UGT1A6: variants seen among roughly 807,000 people sequenced by gnomAD.
UGT1A6 encodes UDP-glucuronosyltransferase 1A6.
UGT1A6 carries 32 observed loss-of-function variants against 44.4 expected under a neutral mutation model. The observed-to-expected ratio is 0.72, with a 90% confidence interval of 0.54 to 0.97. The LOEUF is 0.97. Ranked by LOEUF, UGT1A6 falls within the 50% of genes least tolerant of loss-of-function variation. The probability of loss-of-function intolerance (pLI) is 0.00; values close to 1 mark genes in which losing one functional copy is unlikely to be tolerated. For missense variants in UGT1A6, 685 were observed against 661.9 expected (o/e 1.03, Z -0.38); for synonymous variants, 238 against 248.5 (o/e 0.96, Z 0.40).
chr2:233,750,643 A>G (rs1694525645), intron 1 of UGT1A6: 1 of 149,168 alleles, frequency 6.7e-6, no homozygotes. Flanking sequence ...TGCTGTGTGC[A>G]GCCTCAGGAC....
intron 1 of UGT1A6, 131 bp downstream of exon 1, chr2:233,693,996 G>A: frequency 6.6e-7 from 1 of 1,508,250 alleles, no homozygotes; most frequent in South Asian, 1.3e-5. Context: ...GTGATACCCG[G>A]CTCGGAGCAG....
chr2:233,719,446 A>G (rs765990866), intron 1 of UGT1A6: 48 of 1,613,862 alleles, frequency 3.0e-5, no homozygotes, highest in Non-Finnish European at 2.5e-5. Context: ...ACATTCCTGC[A>G]AAGGGTCAAG....
intron 1 of UGT1A6, chr2:233,719,658 A>C: frequency 1.2e-6 from 2 of 1,614,068 alleles, no homozygotes; most frequent in Non-Finnish European, 1.7e-6. Context: ...TGGGGGCATC[A>C]ACTGTGCCAA....
chr2:233,766,905 T>C, intron 1 of UGT1A6, 129 bp from the exon 2 acceptor site: 15 of 1,501,130 alleles, frequency 1.0e-5, no homozygotes, highest in Non-Finnish European at 1.2e-5. Flanking sequence ...AATAATTTTT[T>C]ACTCTATCTC....
chr2:233,744,550 CAA>C (rs1194427613), intron 1 of UGT1A6, among the ~76,000 whole-genome samples: 3 of 151,848 alleles, frequency 2.0e-5, no homozygotes, highest in Non-Finnish European at 4.4e-5. Flanking sequence ...TTTATTAAGA[CAA>C]AATGTAGTGA....
intron 1 of UGT1A6, chr2:233,760,792 G>A (rs1185395607): frequency 1.2e-6 from 2 of 1,613,510 alleles, no homozygotes; most frequent in Non-Finnish European, 1.7e-6. Context: ...TCTGCCCACT[G>A]TATTCTTCTT....
intron 1 of UGT1A6, among the ~76,000 whole-genome samples, chr2:233,764,017 G>T (rs3771342): frequency 0.13 from 19,852 of 152,188 alleles, 1,421 homozygotes; most frequent in East Asian, 0.2. Flanking sequence ...GACCCACATG[G>T]TGTCTAAGTG....
At position 233,743,978 on chromosome 2, in the gene UGT1A6, C is replaced by T. The variant is rs900800021; in HGVS notation, c.862-23056C>T. On this transcript the variant is annotated intron_variant, in intron 1 of 4. Transcript: ENST00000305139. ...AGCGAGCGGCAAGGCTGCCAGCACC[C>T]AGGCGCAGGCCCGAGTGCTCGGAGA... The T allele has an allele frequency of 2.3e-6, 3 of 1,306,202 alleles. No individual in the cohort carries two copies. The African/African-American group carries it at 4.6e-5, about 20-fold the overall frequency. 80.9% of individuals were successfully genotyped at this position (1,306,202 alleles called of 1,614,324 possible). A position where few individuals can be genotyped will look rare whatever the true frequency, so the allele number is the denominator to read the frequency against.
intron 1 of UGT1A6, among the ~76,000 whole-genome samples, chr2:233,709,916 C>T (rs1451776215): frequency 6.6e-6 from 1 of 152,228 alleles, no homozygotes; most frequent in African/African-American, 2.4e-5. Flanking sequence ...AATACCTCCC[C>T]TCACCTTAGG....
intron 1 of UGT1A6, among the ~76,000 whole-genome samples, chr2:233,745,365 T>C (rs1693089556): frequency 6.6e-6 from 1 of 151,880 alleles, no homozygotes; most frequent in Admixed American, 6.5e-5. Flanking sequence ...TTTTTTGAGA[T>C]CTGAGTTCTC....
At chr2:233,692,704 C>A, upstream of UGT1A6, 3 of 432,616 alleles carry the variant, frequency 6.9e-6, no homozygotes, top group Non-Finnish European at 9.2e-6. Context: ...CTCTCCAAGT[C>A]ATCTTCAAAG....
intron 1 of UGT1A6, among the ~76,000 whole-genome samples, chr2:233,744,679 T>C (rs1489705981): frequency 6.6e-6 from 1 of 151,892 alleles, no homozygotes; most frequent in Admixed American, 6.5e-5. Flanking sequence ...ACATCACCCA[T>C]GTAGCTTCTG....
Position 233,769,856 on chromosome 2 carries a change from TCAA to T in UGT1A6, c.1301+1418_1301+1420del. Reference sequence around the variant, plus strand: ...CTGGGCAACAGAGTGAGACCCTGTCTCAAAAAAAAAAAAAAAAATGAAAAGTCC... The same window carrying T: ...CTGGGCAACAGAGTGAGACCCTGTCTAAAAAAAAAAAAAAATGAAAAGTCC... On this transcript the variant is annotated intron_variant, in intron 4 of 4. Coordinates refer to ENST00000305139, the MANE Select transcript of UGT1A6 (RefSeq NM_001072.4). The surrounding 1 kb of genome is among the most constrained non-coding windows in gnomAD (Gnocchi z 4.4). 3.1e-6 allele frequency: 1 copy of T among 322,450 alleles called. No homozygotes were observed. Among genetic ancestry groups the T allele is most frequent in the Non-Finnish European group, 5.0e-6 (1 of 199,356 alleles). The allele number at this position is 322,450 out of a possible 1,614,324, so 20.0% of individuals were successfully genotyped here.
chr2:233,768,242 TATCACCC>T lies in UGT1A6; in HGVS notation c.1107_1113del (p.Ile369MetfsTer18), dbSNP rs1699593680. On this transcript the variant is annotated frameshift_variant, in exon 4 of 5. Transcript: ENST00000305139. LOFTEE classifies it high-confidence loss of function. ...CAGGTCACCCGATGACCCGTGCCTT[TATCACCC>T]ATGCTGGTTCCCATGGTGTTTATGA... 2 of 1,614,112 alleles carry T rather than the reference TATCACCC, an allele frequency of 1.2e-6. No individual in the cohort carries two copies. The highest frequency in any genetic ancestry group is 1.7e-5 in the Admixed American group (1 of 60,004).
At position 233,731,965 on chromosome 2, in the gene UGT1A6, A is replaced by T. The variant is rs1487707523; in HGVS notation, c.862-35069A>T. ...ACATCTGTTGTTTCCTGACTTTTTA[A>T]TGGTCACCATTCTAACTGGCGTGAG... On this transcript the variant is annotated intron_variant, in intron 1 of 4. Coordinates refer to ENST00000305139, the MANE Select transcript of UGT1A6 (RefSeq NM_001072.4). 2.6e-5 allele frequency among the ~76,000 whole-genome samples: 4 copies of T among 152,240 alleles called. No individual in the cohort carries two copies. The East Asian group carries it at 7.7e-4, about 29-fold the overall frequency.
In UGT1A6 at chr2:233,729,406, C is replaced by T. The variant is rs761312102; in HGVS notation, c.861+35541C>T. 2.5e-6 allele frequency: 4 copies of T among 1,613,662 alleles called. No individual in the cohort carries two copies. The East Asian group carries it at 6.7e-5, about 27-fold the overall frequency. ...CCAGGATGAATTTGATCGCCATGTG[C>T]TGGGCCACACTCAACTGTACTTTGA... On this transcript the variant is annotated intron_variant, in intron 1 of 4. Coordinates refer to ENST00000305139, the MANE Select transcript of UGT1A6 (RefSeq NM_001072.4).
chr2:233,743,427 G>A, intron 1 of UGT1A6: 2 of 1,349,658 alleles, frequency 1.5e-6, no homozygotes, highest in South Asian at 2.3e-5. Context: ...GGGAGCCAAA[G>A]GAACGAAATC....
intron 1 of UGT1A6, among the ~76,000 whole-genome samples, chr2:233,701,702 G>A (rs1450661974): frequency 2.0e-5 from 3 of 152,064 alleles, no homozygotes; most frequent in South Asian, 2.1e-4. Flanking sequence ...ACTCAAAACC[G>A]CTCAACTACA....
chr2:233,718,616 CG>C, intron 1 of UGT1A6: 22 of 858,724 alleles, frequency 2.6e-5, no homozygotes, highest in Non-Finnish European at 2.9e-5. Flanking sequence ...TCAAGATAGG[CG>C]TGATTGGTCT....
Sources: allele counts gnomAD v4.1 joint callset (sites outside exome capture counted in the v4.1 genomes callset), GRCh38; gene constraint gnomAD v4.1.1; non-coding constraint Gnocchi (gnomAD v3.1); transcripts MANE v1.5; gene names NCBI Gene and HGNC (gene_info 2026-07-23, HGNC 2026-07-21).